SOX13: variants seen among roughly 807,000 people sequenced by gnomAD.
SOX13 encodes the protein SRY-box transcription factor 13, also known as transcription factor SOX-13.
In SOX13, 28 loss-of-function variants were observed where a neutral mutation model predicts 71.8. That is an observed-to-expected ratio of 0.39 (90% CI 0.29 to 0.53). SOX13 has a LOEUF of 0.53. Ranked by LOEUF, SOX13 falls within the 20% of genes least tolerant of loss-of-function variation. SOX13 has a pLI of 0.70. For synonymous variants in SOX13, 309 were observed against 317.8 expected, an observed-to-expected ratio of 0.97 and a Z score of 0.29; for missense variants, 627 against 810.3, an observed-to-expected ratio of 0.77 and a Z score of 2.75.
At chr1:204,118,386 T>C (rs1325722247) in intron 7 of SOX13, 1 of 151,976 alleles carries the variant, frequency 6.6e-6, no homozygotes, top group East Asian at 1.9e-4. Context: ...GAGTCTTACT[T>C]GTTCTGTCAC....
chr1:204,111,840 C>T (rs947088259), intron 1 of SOX13, among the ~76,000 whole-genome samples: 3 of 152,200 alleles, frequency 2.0e-5, no homozygotes, highest in East Asian at 1.9e-4. Flanking sequence ...CCACCATACC[C>T]GGCTATTTCC....
At position 204,126,063 on chromosome 1, in the gene SOX13, C is replaced by A. The variant is rs774724106; in HGVS notation, c.1798C>A (p.Arg600=). 1.2e-6 allele frequency: 2 copies of A among 1,613,894 alleles called. No homozygotes were observed. Among genetic ancestry groups the A allele is most frequent in the Admixed American group, 1.7e-5 (1 of 60,016 alleles). ...RHSVADGEMY[R]YSEDEDSEGE... is the part of the protein sequence containing the mutation. The stretch of plus-strand genomic sequence containing the variant: ...CTCGGTGGCTGATGGCGAGATGTAC[C>A]GGTACAGCGAGGACGAGGACTCGGA... Residue 600 remains arginine, a synonymous_variant, in exon 14 of 14, where the codon CGG becomes AGG. Coordinates refer to ENST00000367204, the MANE Select transcript of SOX13 (RefSeq NM_005686.3).
intron 1 of SOX13, among the ~76,000 whole-genome samples, chr1:204,074,614 C>A (rs796242881): frequency 2.0e-5 from 3 of 152,336 alleles, no homozygotes; most frequent in African/African-American, 7.2e-5. Context: ...CGCTCAGCTG[C>A]CCGCATGGGT....
intron 1 of SOX13, among the ~76,000 whole-genome samples, chr1:204,083,534 T>C (rs920228353): frequency 6.6e-6 from 1 of 152,238 alleles, no homozygotes; most frequent in African/African-American, 2.4e-5. Context: ...TCTAAGGAGA[T>C]AGCTTGGATA....
At chr1:204,102,687 A>G (rs776440790) in intron 1 of SOX13, among the ~76,000 whole-genome samples, 3 of 149,616 alleles carry the variant, frequency 2.0e-5, no homozygotes, top group Admixed American at 6.7e-5. Flanking sequence ...TTGTTTGACC[A>G]TGTGGGGGAA....
chr1:204,104,255 C>T (rs1656413764), intron 1 of SOX13, among the ~76,000 whole-genome samples: 1 of 152,184 alleles, frequency 6.6e-6, no homozygotes, highest in Non-Finnish European at 1.5e-5. Flanking sequence ...GGAGTGTTGG[C>T]TGTGGCCCCC....
At chr1:204,082,284 G>C (rs778339390) in intron 1 of SOX13, among the ~76,000 whole-genome samples, 1 of 152,020 alleles carries the variant, frequency 6.6e-6, no homozygotes, top group African/African-American at 2.4e-5. Flanking sequence ...GCAGGCAGGG[G>C]CCTGTGCTCT....
At chr1:204,114,043 G>A (rs527881607) in intron 2 of SOX13, among the ~76,000 whole-genome samples, 13 of 152,370 alleles carry the variant, frequency 8.5e-5, no homozygotes, top group African/African-American at 3.1e-4. Flanking sequence ...TCAAAAGAGG[G>A]AAGTCAGGTT....
Position 204,122,406 on chromosome 1 carries a change from C to T in SOX13, c.1024+7C>T, listed in dbSNP as rs767537423. ...CCCCCGAGCCTGCCTCTGGGTAAGC[C>T]TCCTGCTGCCTGCACTTGTCCCTCA... On this transcript the variant is annotated splice_region_variant and intron_variant, in intron 9 of 13. Transcript: ENST00000367204. 8.1e-5 allele frequency: 127 copies of T among 1,564,808 alleles called. No homozygotes were observed. The East Asian group carries it at 2.5e-3, about 31-fold the overall frequency.
intron 1 of SOX13, among the ~76,000 whole-genome samples, chr1:204,083,320 C>T (rs1335786662): frequency 6.6e-6 from 1 of 152,122 alleles, no homozygotes; most frequent in Non-Finnish European, 1.5e-5. Context: ...GGTTTAGGAG[C>T]TCTCAGATGG....
intron 1 of SOX13, among the ~76,000 whole-genome samples, chr1:204,107,008 G>A (rs1469362904): frequency 1.3e-5 from 2 of 152,094 alleles, no homozygotes; most frequent in Non-Finnish European, 2.9e-5. Context: ...TAAGTTACTT[G>A]CCCAAGGTTG....
chr1:204,116,304 C>G (rs1656692972), intron 4 of SOX13: 1 of 1,532,104 alleles, frequency 6.5e-7, no homozygotes, highest in Admixed American at 2.0e-5. Context: ...GGGAGAACTT[C>G]TAGGCTAGTA....
At position 204,090,380 on chromosome 1, in the gene SOX13, C is replaced by T. The variant is rs1158553016; in HGVS notation, c.-2+16669C>T. On this transcript the variant is annotated intron_variant, in intron 1 of 13. Transcript: ENST00000367204. ...TGTTCTCTGGGTTGACTGCCTCCTC[C>T]CTGACTAGCTCAAGACTTCTTCTTC... Among the ~76,000 whole-genome samples, 5 of 151,672 alleles carry T rather than the reference C, an allele frequency of 3.3e-5. 1 individual carries two copies. The highest frequency in any genetic ancestry group is 3.3e-4 in the Admixed American group (5 of 15,188).
In SOX13 at chr1:204,122,382, C is replaced by T. The variant is rs745706655; in HGVS notation, c.1007C>T (p.Pro336Leu). The T allele has an allele frequency of 1.3e-6, 2 of 1,564,734 alleles. No homozygotes were observed. Among genetic ancestry groups the T allele is most frequent in the East Asian group, 2.4e-5 (1 of 41,890 alleles). ...GGPTRDLQSS[P>L]PSLPLGFLGE... ...CCCACGCGGGACCTGCAGTCCAGCC[C>T]CCCGAGCCTGCCTCTGGGTAAGCCT... is the stretch of plus-strand genomic sequence containing the variant. The change falls in exon 9 of 14, where the codon CCC becomes CTC. Residue 336 changes from proline (P) to leucine (L), a missense_variant. This residue lies in a region of SOX13 where 447 missense variants were observed against 532.2 expected (regional missense o/e 0.84). Transcript: ENST00000367204.
At chr1:204,080,959 G>GAGTATGC (rs1418560100) in intron 1 of SOX13, among the ~76,000 whole-genome samples, 1 of 150,242 alleles carries the variant, frequency 6.7e-6, no homozygotes, top group Non-Finnish European at 1.5e-5. Flanking sequence ...GGCCAGGCTG[G>GAGTATGC]AGTATGCAAT....
chr1:204,101,312 TTTGGG>T (rs1420656633), intron 1 of SOX13, among the ~76,000 whole-genome samples: 2 of 152,022 alleles, frequency 1.3e-5, no homozygotes, highest in African/African-American at 4.8e-5. Flanking sequence ...AAGTGCCCAC[TTTGGG>T]AGTGGGCTGT....
intron 1 of SOX13, among the ~76,000 whole-genome samples, chr1:204,096,239 G>A (rs372317379): frequency 1.2e-5 from 1 of 85,360 alleles, no homozygotes; most frequent in Non-Finnish European, 2.1e-5. Context: ...TCTTTCTTTC[G>A]TTTTTTTTTT....
At chr1:204,109,025 TC>T (rs1260050289) in intron 1 of SOX13, among the ~76,000 whole-genome samples, 2 of 152,218 alleles carry the variant, frequency 1.3e-5, no homozygotes, top group African/African-American at 4.8e-5. Flanking sequence ...CCCCCTGCTC[TC>T]GGCCTGGCTC....
At chr1:204,093,815 A>C (rs1029343892) in intron 1 of SOX13, among the ~76,000 whole-genome samples, 1 of 152,172 alleles carries the variant, frequency 6.6e-6, no homozygotes, top group African/African-American at 2.4e-5. Context: ...TTAGCTTGTG[A>C]TCACTCAGTA....
Sources: gnomAD v4.1 joint callset for allele counts (sites outside exome capture counted in the v4.1 genomes callset) on GRCh38, gnomAD v4.1.1 for gene constraint, gnomAD v4.1.1 regional missense constraint, MANE v1.5 for transcripts, NCBI Gene and HGNC (gene_info 2026-07-23, HGNC 2026-07-21) for gene names.